Variants in PPFIA2 observed in about 807,000 individuals in gnomAD.
PPFIA2 encodes liprin-alpha-2.
PPFIA2 carries 46 observed loss-of-function variants against 175.5 expected under a neutral mutation model. The ratio of observed to expected loss-of-function variants is 0.26; its 90% CI spans 0.21 to 0.34. PPFIA2 has a LOEUF of 0.34. Among genes scored for constraint, PPFIA2 ranks in the 10% least tolerant of loss-of-function variants. The probability of loss-of-function intolerance (pLI) is 1.00; values close to 1 mark genes in which losing one functional copy is unlikely to be tolerated. For synonymous variants in PPFIA2, 568 were observed against 511.4 expected, an observed-to-expected ratio of 1.11 and a Z score of -1.49; for missense variants, 1,179 against 1,506.1, an observed-to-expected ratio of 0.78 and a Z score of 3.60.
At chr12:81,491,603 G>A (rs1248545991) in intron 4 of PPFIA2, among the ~76,000 whole-genome samples, 2 of 151,600 alleles carry the variant, frequency 1.3e-5, no homozygotes, top group Admixed American at 6.6e-5. Flanking sequence ...GAGATATTGC[G>A]CTCTCTCTCT....
intron 4 of PPFIA2, chr12:81,465,337 T>C (rs1476310377): frequency 1.3e-5 from 2 of 152,164 alleles, no homozygotes; most frequent in Non-Finnish European, 2.9e-5. Flanking sequence ...TCAGCTTCAC[T>C]AAACACTGCC....
At chr12:81,259,734 G>GC in intron 32 of PPFIA2, 74 bp from the exon 33 acceptor site, 1 of 1,351,772 alleles carries the variant, frequency 7.4e-7, no homozygotes, top group Non-Finnish European at 1.0e-6. Flanking sequence ...CTCCTCTGTG[G>GC]TGTACCTCCA....
At chr12:81,284,522 T>C in intron 24 of PPFIA2, 1 of 529,192 alleles carries the variant, frequency 1.9e-6, no homozygotes, top group South Asian at 2.8e-5. Flanking sequence ...TGTGAAGCTC[T>C]TGGGGATGTA....
intron 4 of PPFIA2, among the ~76,000 whole-genome samples, chr12:81,503,798 C>A (rs1406633606): frequency 6.6e-6 from 1 of 151,778 alleles, no homozygotes; most frequent in Non-Finnish European, 1.5e-5. Flanking sequence ...ATAAACAAGG[C>A]AAAGCTATTT....
intron 4 of PPFIA2, among the ~76,000 whole-genome samples, chr12:81,494,567 C>T (rs2059809473): frequency 6.6e-6 from 1 of 151,530 alleles, no homozygotes; most frequent in Non-Finnish European, 1.5e-5. Flanking sequence ...CTAGAAATAC[C>T]ATTTGACCCA....
rs192893073 is a variant in PPFIA2, at chr12:81,452,122, C to A, written c.405+5643G>T. On this transcript the variant is annotated intron_variant, in intron 5 of 32. Transcript: ENST00000549396. ...CACACACAGACACACACACACACAC[C>A]CACACAAACCCACACATCATGCGTC... 1.1e-4 allele frequency among the ~76,000 whole-genome samples: 17 copies of A among 151,776 alleles called. No individual in the cohort carries two copies. The East Asian group carries it at 1.2e-3, about 10-fold the overall frequency.
intron 8 of PPFIA2, among the ~76,000 whole-genome samples, chr12:81,398,903 A>T (rs2041650635): frequency 6.6e-6 from 1 of 152,050 alleles, no homozygotes; most frequent in Non-Finnish European, 1.5e-5. Context: ...CACCAGTTAA[A>T]AATTGTACAC....
At chr12:81,413,093 G>A (rs1223687937) in intron 7 of PPFIA2, among the ~76,000 whole-genome samples, 2 of 151,862 alleles carry the variant, frequency 1.3e-5, no homozygotes, top group Non-Finnish European at 2.9e-5. Context: ...TGTCATGCAA[G>A]TGATTATCAC....
intron 3 of PPFIA2, 26 bp from the exon 4 acceptor site, chr12:81,676,870 T>A: frequency 6.5e-7 from 1 of 1,550,254 alleles, no homozygotes; most frequent in African/African-American, 1.4e-5. Flanking sequence ...GTGTTGATTG[T>A]AAAGTGCTAC....
At chr12:81,668,487 T>C (rs755735769) in intron 4 of PPFIA2, among the ~76,000 whole-genome samples, 4 of 152,086 alleles carry the variant, frequency 2.6e-5, no homozygotes, top group Non-Finnish European at 5.9e-5. Context: ...ACCTTACATC[T>C]AACCCATGGA....
chr12:81,274,875 T>A (rs1223998397), intron 28 of PPFIA2, among the ~76,000 whole-genome samples: 2 of 152,314 alleles, frequency 1.3e-5, no homozygotes, highest in East Asian at 1.9e-4. Flanking sequence ...GTGATCATAA[T>A]GAATCATGGC....
chr12:81,331,962 T>C (rs1381906365), intron 21 of PPFIA2, among the ~76,000 whole-genome samples: 1 of 152,302 alleles, frequency 6.6e-6, no homozygotes, highest in Non-Finnish European at 1.5e-5. Context: ...AGTTGGTGTT[T>C]CTCAGGTGGC....
At chr12:81,556,390 T>C (rs965063142) in intron 4 of PPFIA2, among the ~76,000 whole-genome samples, 6 of 151,898 alleles carry the variant, frequency 4.0e-5, no homozygotes, top group Admixed American at 2.6e-4. Context: ...TACATACATG[T>C]CAAACTTAAT....
At chr12:81,657,474 T>C (rs546629327) in intron 4 of PPFIA2, among the ~76,000 whole-genome samples, 2 of 152,286 alleles carry the variant, frequency 1.3e-5, no homozygotes, top group South Asian at 4.1e-4. Context: ...AGACTCACCT[T>C]CTTAGAGAGC....
chr12:81,268,067 C>A lies in PPFIA2; in HGVS notation c.3331G>T (p.Asp1111Tyr). The change falls in exon 29 of 33, where the codon GAC becomes TAC. Residue 1111 changes from aspartate to tyrosine, a missense_variant. Transcript: ENST00000549396. ...GCTTGTATCCAGCGAATAACTCGGTCATTGCTCCACACCAACACGTCTAGG... is the reference window on the plus strand; with the variant it reads ...GCTTGTATCCAGCGAATAACTCGGTAATTGCTCCACACCAACACGTCTAGG... ...EIKDVLVWSN[D>Y]RVIRWIQAIG... is the part of the protein sequence containing the mutation. The A allele has an allele frequency of 6.3e-7, 1 of 1,593,984 alleles. No homozygotes were observed. The highest frequency in any genetic ancestry group is 1.1e-5 in the South Asian group (1 of 88,102).
intron 21 of PPFIA2, among the ~76,000 whole-genome samples, chr12:81,329,839 T>C (rs2055721992): frequency 6.6e-6 from 1 of 152,024 alleles, no homozygotes; most frequent in Non-Finnish European, 1.5e-5. Flanking sequence ...ACTGAGAACA[T>C]TTCGATGCTT....
At chr12:81,745,995 CT>C (rs2083016007) in intron 3 of PPFIA2, among the ~76,000 whole-genome samples, 1 of 146,110 alleles carries the variant, frequency 6.8e-6, no homozygotes, top group Admixed American at 7.1e-5. Flanking sequence ...CCAACTCAAT[CT>C]TTGTAGAGTC....
At chr12:81,340,418 T>C (rs1437205575) in intron 20 of PPFIA2, among the ~76,000 whole-genome samples, 1 of 152,124 alleles carries the variant, frequency 6.6e-6, no homozygotes, top group East Asian at 1.9e-4. Flanking sequence ...TAAGAGAAGA[T>C]ATATTTCAGA....
At chr12:81,311,921 A>G in intron 22 of PPFIA2, 1 of 553,562 alleles carries the variant, frequency 1.8e-6, no homozygotes, top group Non-Finnish European at 3.2e-6. Context: ...TGACATGTGT[A>G]TAATAAAACT....
Sources: allele counts gnomAD v4.1 joint callset (sites outside exome capture counted in the v4.1 genomes callset), GRCh38; gene constraint gnomAD v4.1.1; transcripts MANE v1.5; gene names NCBI Gene and HGNC (gene_info 2026-07-23, HGNC 2026-07-21).